CELF4: variants seen among roughly 807,000 people sequenced by gnomAD.
CELF4 encodes CUGBP Elav-like family member 4.
CELF4 carries 18 observed loss-of-function variants against 59.9 expected under a neutral mutation model. That is an observed-to-expected ratio of 0.30 (90% CI 0.21 to 0.45). The LOEUF (loss-of-function observed/expected upper bound fraction) is 0.45. CELF4 is among the 20% of genes least tolerant of loss of function. CELF4 has a pLI of 1.00. For synonymous variants in CELF4, 261 were observed against 267.1 expected, an observed-to-expected ratio of 0.98 and a Z score of 0.22; for missense variants, 456 against 689.0, an observed-to-expected ratio of 0.66 and a Z score of 3.79.
intron 1 of CELF4, chr18:37,486,089 A>G (rs1475036928): frequency 6.6e-6 from 1 of 152,256 alleles, no homozygotes; most frequent in Non-Finnish European, 1.5e-5. Context: ...CCTTACAAAT[A>G]AAGGCTCAGT....
intron 1 of CELF4, among the ~76,000 whole-genome samples, chr18:37,520,209 T>C (rs1175232175): frequency 6.6e-6 from 1 of 152,158 alleles, no homozygotes; most frequent in Non-Finnish European, 1.5e-5. Context: ...GCCCCAGCTC[T>C]GGGGAACAGT....
intron 3 of CELF4, among the ~76,000 whole-genome samples, chr18:37,285,377 C>T (rs1401935368): frequency 6.6e-6 from 1 of 152,244 alleles, no homozygotes; most frequent in Non-Finnish European, 1.5e-5. Context: ...TCTAACTGCA[C>T]TACCCCCTCC....
intron 1 of CELF4, among the ~76,000 whole-genome samples, chr18:37,553,506 G>A (rs2099983873): frequency 6.6e-6 from 1 of 152,194 alleles, no homozygotes; most frequent in Admixed American, 6.5e-5. Flanking sequence ...AGATTCTGGT[G>A]CTTTGCTAAC....
intron 2 of CELF4, among the ~76,000 whole-genome samples, chr18:37,373,263 C>T (rs1276337573): frequency 6.6e-6 from 1 of 152,230 alleles, no homozygotes; most frequent in African/African-American, 2.4e-5. Context: ...ATCAGGGCAT[C>T]AGCAAGCTGG....
At chr18:37,523,723 C>T (rs1415658336) in intron 1 of CELF4, among the ~76,000 whole-genome samples, 1 of 152,234 alleles carries the variant, frequency 6.6e-6, no homozygotes, top group Non-Finnish European at 1.5e-5. Flanking sequence ...CTTCCCAGCC[C>T]TTTATCTCAC....
At chr18:37,443,154 A>G (rs1052843577) in intron 2 of CELF4, among the ~76,000 whole-genome samples, 1 of 152,194 alleles carries the variant, frequency 6.6e-6, no homozygotes, top group Middle Eastern at 3.4e-3. Flanking sequence ...TCTTCTGTGG[A>G]TTAGAGCTAA....
chr18:37,344,793 G>A (rs965159999), intron 2 of CELF4, among the ~76,000 whole-genome samples: 1 of 152,214 alleles, frequency 6.6e-6, no homozygotes, highest in Non-Finnish European at 1.5e-5. Flanking sequence ...GACAGATGAC[G>A]GGAACGGCTG....
intron 2 of CELF4, among the ~76,000 whole-genome samples, chr18:37,392,310 C>A (rs1283640083): frequency 1.3e-5 from 2 of 152,204 alleles, no homozygotes; most frequent in African/African-American, 2.4e-5. Flanking sequence ...TTTTAGCTTG[C>A]GTTGCTCTGT....
intron 1 of CELF4, among the ~76,000 whole-genome samples, chr18:37,517,642 C>A (rs1015029843): frequency 6.6e-6 from 1 of 152,314 alleles, no homozygotes; most frequent in African/African-American, 2.4e-5. Context: ...GGCTCATCAG[C>A]GTGGCTGTGG....
chr18:37,423,064 GCA>G (rs10654318), intron 2 of CELF4, among the ~76,000 whole-genome samples: 1 of 150,414 alleles, frequency 6.6e-6, no homozygotes, highest in African/African-American at 2.4e-5. Context: ...GCGCGCGCGC[GCA>G]CACACACACA....
intron 2 of CELF4, among the ~76,000 whole-genome samples, chr18:37,346,835 G>A (rs894389592): frequency 5.9e-5 from 9 of 152,136 alleles, no homozygotes; most frequent in South Asian, 2.1e-4. Flanking sequence ...TCATGCTACC[G>A]CTGGGATGAG....
At chr18:37,422,831 T>G (rs2099586478) in intron 2 of CELF4, among the ~76,000 whole-genome samples, 1 of 152,182 alleles carries the variant, frequency 6.6e-6, no homozygotes, top group Non-Finnish European at 1.5e-5. Context: ...ATGAAAAGGC[T>G]CTGAAGTCAT....
chr18:37,427,896 G>T (rs997502897), intron 2 of CELF4, among the ~76,000 whole-genome samples: 1 of 152,200 alleles, frequency 6.6e-6, no homozygotes, highest in East Asian at 1.9e-4. Context: ...CTGTCCTCCT[G>T]GTCCCCAAAT....
intron 2 of CELF4, among the ~76,000 whole-genome samples, chr18:37,380,619 A>G (rs775140931): frequency 2.0e-5 from 3 of 151,398 alleles, no homozygotes; most frequent in Non-Finnish European, 4.4e-5. Flanking sequence ...TCATCCATCT[A>G]TTCATTTCTT....
intron 3 of CELF4, among the ~76,000 whole-genome samples, chr18:37,285,834 G>T (rs191097979): frequency 6.6e-6 from 1 of 152,280 alleles, no homozygotes; most frequent in East Asian, 1.9e-4. Context: ...TTATACATTT[G>T]ATCTGCTACA....
At chr18:37,501,235 G>T (rs1224178893) in intron 1 of CELF4, among the ~76,000 whole-genome samples, 1 of 152,248 alleles carries the variant, frequency 6.6e-6, no homozygotes, top group Non-Finnish European at 1.5e-5. Flanking sequence ...CTTCTGTCAG[G>T]TCCCTGGCCT....
chr18:37,457,447 C>T (rs1333733714), intron 2 of CELF4, among the ~76,000 whole-genome samples: 1 of 152,112 alleles, frequency 6.6e-6, no homozygotes, highest in Non-Finnish European at 1.5e-5. Context: ...GTGTGCAGAA[C>T]TTGGAGAGAG....
chr18:37,325,165 G>C (rs886280549), intron 2 of CELF4, among the ~76,000 whole-genome samples: 1 of 141,138 alleles, frequency 7.1e-6, no homozygotes, highest in Non-Finnish European at 1.5e-5. Flanking sequence ...TCCCAACGGG[G>C]GAGTGAGGCC....
chr18:37,543,516 G>C (rs2099979216), intron 1 of CELF4, among the ~76,000 whole-genome samples: 1 of 152,080 alleles, frequency 6.6e-6, no homozygotes, highest in Admixed American at 6.5e-5. Flanking sequence ...CTGGGCAGGG[G>C]CTGTGGCTCT....
Sources: gnomAD v4.1 joint callset for allele counts (sites outside exome capture counted in the v4.1 genomes callset) on GRCh38, gnomAD v4.1.1 for gene constraint, MANE v1.5 for transcripts, NCBI Gene and HGNC (gene_info 2026-07-23, HGNC 2026-07-21) for gene names.